DOCK1: variants seen among roughly 807,000 people sequenced by gnomAD.
DOCK1 encodes the protein dedicator of cytokinesis protein 1.
In DOCK1, 138 loss-of-function variants were observed where a neutral mutation model predicts 262.7. That is an observed-to-expected ratio of 0.53 (90% CI 0.46 to 0.61). The LOEUF is 0.61. Among genes scored for constraint, DOCK1 ranks in the 20% least tolerant of loss-of-function variants. DOCK1 has a pLI of 0.00. For synonymous variants in DOCK1, 866 were observed against 867.4 expected (o/e 1.00, Z 0.03); for missense variants, 1,908 against 2,370.7 (o/e 0.80, Z 4.05).
At chr10:127,026,102 T>A in intron 15 of DOCK1, 1 of 460,116 alleles carries the variant, frequency 2.2e-6, no homozygotes, top group East Asian at 4.6e-5. Context: ...ACAGTAATGG[T>A]CAGAGCATTC....
At chr10:127,356,903 ATTTC>A (rs1386277786) in intron 32 of DOCK1, among the ~76,000 whole-genome samples, 1 of 152,110 alleles carries the variant, frequency 6.6e-6, no homozygotes, top group Non-Finnish European at 1.5e-5. Context: ...GGAATTGCCT[ATTTC>A]CCCCAAGAGG....
chr10:126,918,983 G>GGAGTTGGAGGAGGAGAAAGTCA (rs1554955675), intron 1 of DOCK1, among the ~76,000 whole-genome samples: 1 of 152,004 alleles, frequency 6.6e-6, no homozygotes, highest in African/African-American at 2.4e-5. Flanking sequence ...AGAAAGCCGA[G>GGAGTTGGAGGAGGAGAAAGTCA]AGGGAGTGTG....
At chr10:127,000,503 C>T in intron 10 of DOCK1, 196 bp downstream of exon 10, 1 of 720,690 alleles carries the variant, frequency 1.4e-6, no homozygotes, top group Non-Finnish European at 2.1e-6. Context: ...CTCTAGTCCT[C>T]AAGTTTCAGA....
rs2041565256 is a variant in DOCK1, at chr10:127,012,802, A to G, written c.1201+428A>G. 1.3e-5 allele frequency among the ~76,000 whole-genome samples: 2 copies of G among 152,038 alleles called. No homozygotes were observed. The highest frequency in any genetic ancestry group is 4.8e-5 in the African/African-American group (2 of 41,384). ...CGCCCCTACACTCCGCCTCACACTCACTGTTTTTAATCCTGCACTGACACG... is the reference window on the plus strand; with the variant it reads ...CGCCCCTACACTCCGCCTCACACTCGCTGTTTTTAATCCTGCACTGACACG... On this transcript the variant is annotated intron_variant, in intron 12 of 51. Coordinates refer to ENST00000623213, the MANE Select transcript of DOCK1 (RefSeq NM_001290223.2). The surrounding 1 kb of genome is among the most constrained non-coding windows in gnomAD (Gnocchi z 4.0).
At chr10:127,367,319 T>G (rs1167684043) in intron 33 of DOCK1, among the ~76,000 whole-genome samples, 1 of 152,086 alleles carries the variant, frequency 6.6e-6, no homozygotes, top group Non-Finnish European at 1.5e-5. Flanking sequence ...GCACAAATGT[T>G]CCTTCGGAAT....
chr10:127,280,095 C>T (rs1403453417), intron 29 of DOCK1, among the ~76,000 whole-genome samples: 2 of 144,444 alleles, frequency 1.4e-5, no homozygotes, highest in East Asian at 2.0e-4. Flanking sequence ...AGTGCAGCGG[C>T]GCGATCTCGG....
intron 27 of DOCK1, among the ~76,000 whole-genome samples, chr10:127,158,137 GA>G (rs1265134982): frequency 2.0e-5 from 3 of 152,202 alleles, no homozygotes; most frequent in Non-Finnish European, 4.4e-5. Flanking sequence ...AAATAGAGAT[GA>G]AACAGATAAG....
At chr10:127,137,756 A>T in intron 27 of DOCK1, 2 of 1,357,882 alleles carry the variant, frequency 1.5e-6, no homozygotes, top group Non-Finnish European at 2.0e-6. Flanking sequence ...AGTTCCCTCG[A>T]TCCTATTCAT....
intron 6 of DOCK1, among the ~76,000 whole-genome samples, chr10:126,993,815 A>G (rs183204392): frequency 6.1e-4 from 93 of 152,348 alleles, no homozygotes; most frequent in African/African-American, 2.2e-3. Context: ...TTGTCTTCCC[A>G]GTGGTACAGT....
intron 29 of DOCK1, among the ~76,000 whole-genome samples, chr10:127,258,016 T>C (rs540875043): frequency 7.5e-4 from 114 of 152,306 alleles, no homozygotes; most frequent in Non-Finnish European, 1.3e-3. Flanking sequence ...TTCATCTCTG[T>C]TTTTCTTTCT....
intron 23 of DOCK1, among the ~76,000 whole-genome samples, chr10:127,072,520 G>A (rs931931259): frequency 3.0e-4 from 45 of 152,156 alleles, no homozygotes; most frequent in African/African-American, 2.4e-5. Context: ...AAGGTATATC[G>A]GGGCATTGGA....
chr10:127,245,833 G>T (rs572819904), intron 27 of DOCK1, among the ~76,000 whole-genome samples: 59 of 152,214 alleles, frequency 3.9e-4, no homozygotes, highest in African/African-American at 1.3e-3. Context: ...TTGATACATT[G>T]CTTCTGGTGA....
intron 29 of DOCK1, among the ~76,000 whole-genome samples, chr10:127,273,606 G>A (rs1397780357): frequency 6.6e-6 from 1 of 152,222 alleles, no homozygotes; most frequent in Non-Finnish European, 1.5e-5. Context: ...TAGCAGCTGG[G>A]TGCGGTGGCT....
chr10:127,146,220 G>A, intron 27 of DOCK1: 1 of 260,510 alleles, frequency 3.8e-6, no homozygotes, highest in South Asian at 3.7e-5. Context: ...CCAAAGGCTG[G>A]GACTATCAGT....
chr10:126,963,601 T>G (rs2037400925), intron 1 of DOCK1, among the ~76,000 whole-genome samples: 1 of 51,132 alleles, frequency 2.0e-5, no homozygotes, highest in African/African-American at 1.0e-4. Flanking sequence ...TTCCCTTCCC[T>G]TCCCTTCCCT....
At chr10:127,303,219 A>G (rs1456197941) in intron 29 of DOCK1, among the ~76,000 whole-genome samples, 1 of 152,148 alleles carries the variant, frequency 6.6e-6, no homozygotes, top group Non-Finnish European at 1.5e-5. Flanking sequence ...TGGATGGAAA[A>G]TTACTAAGAG....
chr10:127,217,118 C>T (rs963322816), intron 27 of DOCK1, among the ~76,000 whole-genome samples: 5 of 152,172 alleles, frequency 3.3e-5, no homozygotes, highest in African/African-American at 1.2e-4. Context: ...AGAATAGGAA[C>T]ATTCCAAAGC....
rs560333958 is a variant in DOCK1, at chr10:127,133,495, G to T, written c.2847+5731G>T. ...CCTGCTTTCAGAAAATCATCCTAAC[G>T]TGTGTGTGTGCACCAATGGTTTTAT... On this transcript the variant is annotated intron_variant, in intron 27 of 51. Coordinates refer to ENST00000623213, the MANE Select transcript of DOCK1 (RefSeq NM_001290223.2). Among the ~76,000 whole-genome samples, 6 of 152,118 alleles carry T rather than the reference G, an allele frequency of 3.9e-5. No individual in the cohort carries two copies. In the South Asian group the frequency reaches 1.0e-3, roughly 26 times the overall value.
rs2069426845 is a variant in DOCK1, at chr10:127,433,268, CTT to C, written c.4915-13_4915-12del. 1.2e-5 allele frequency: 19 copies of C among 1,613,006 alleles called. No homozygotes were observed. Among genetic ancestry groups the C allele is most frequent in the Admixed American group, 1.7e-5 (1 of 59,970 alleles). On this transcript the variant is annotated splice_polypyrimidine_tract_variant and intron_variant, in intron 47 of 51. Coordinates refer to ENST00000623213, the MANE Select transcript of DOCK1 (RefSeq NM_001290223.2). ...GCATCAAACAAGTCTCCTTCTCTCT[CTT>C]TCTCGCTCTCAGCCCTCAAGTCTGG...
Sources: allele counts gnomAD v4.1 joint callset (sites outside exome capture counted in the v4.1 genomes callset), GRCh38; gene constraint gnomAD v4.1.1; non-coding constraint Gnocchi (gnomAD v3.1); transcripts MANE v1.5; gene names NCBI Gene and HGNC (gene_info 2026-07-23, HGNC 2026-07-21).